AFG2B: variants seen among roughly 807,000 people sequenced by gnomAD.
The protein encoded by AFG2B is ATPase family gene 2 protein homolog B.
the AFG2B span, chr15:45,402,415 G>T: frequency 5.0e-6 from 8 of 1,592,068 alleles, no homozygotes; most frequent in Non-Finnish European, 5.1e-6. Flanking sequence ...CGTCTGCCTG[G>T]TTCATCTGTG....
the AFG2B span, among the ~76,000 whole-genome samples, chr15:45,419,836 G>A: frequency 7.9e-5 from 12 of 151,838 alleles, no homozygotes; most frequent in African/African-American, 2.9e-4. Context: ...GGCAACATGG[G>A]GAGACCCTGT....
At chr15:45,403,137 G>C in the AFG2B span, 1 of 1,470,032 alleles carries the variant, frequency 6.8e-7, no homozygotes, top group Non-Finnish European at 8.9e-7. Context: ...TGCCTCGCGG[G>C]GTGCTCCTGG....
chr15:45,419,137 G>A, the AFG2B span, among the ~76,000 whole-genome samples: 2 of 152,142 alleles, frequency 1.3e-5, no homozygotes, highest in African/African-American at 4.8e-5. Flanking sequence ...TTAGAGTGGA[G>A]AATGGCAAGA....
At chr15:45,415,198 T>A in the AFG2B span, among the ~76,000 whole-genome samples, 1 of 152,268 alleles carries the variant, frequency 6.6e-6, no homozygotes, top group East Asian at 1.9e-4. Flanking sequence ...ATATCTATTT[T>A]AAAAATTATA....
the AFG2B span, chr15:45,402,865 CT>C: frequency 6.3e-7 from 1 of 1,598,604 alleles, no homozygotes; most frequent in Non-Finnish European, 8.5e-7. Flanking sequence ...ACCGATCTCC[CT>C]GGGCCACGTG....
At chr15:45,409,590 G>T in the AFG2B span, among the ~76,000 whole-genome samples, 1 of 151,986 alleles carries the variant, frequency 6.6e-6, no homozygotes. Context: ...TTTGAACATG[G>T]TGGCTCATGC....
chr15:45,413,989 C>T, the AFG2B span, among the ~76,000 whole-genome samples: 6 of 152,172 alleles, frequency 3.9e-5, no homozygotes, highest in Non-Finnish European at 8.8e-5. Flanking sequence ...AGGTGTCATT[C>T]TAGCTGCTGG....
the AFG2B span, among the ~76,000 whole-genome samples, chr15:45,420,007 A>C: frequency 6.7e-6 from 1 of 149,702 alleles, no homozygotes; most frequent in South Asian, 2.1e-4. Context: ...CAAAAAAAAA[A>C]AAAAAAACAA....
chr15:45,421,289 A>G, the AFG2B span: 1 of 1,011,222 alleles, frequency 9.9e-7, no homozygotes, highest in South Asian at 1.9e-5. Context: ...ACACTTTTAG[A>G]ATTTGTGTTT....
chr15:45,411,316 T>C, the AFG2B span, among the ~76,000 whole-genome samples: 1 of 152,154 alleles, frequency 6.6e-6, no homozygotes, highest in African/African-American at 2.4e-5. Flanking sequence ...TCCCCATCTC[T>C]ATTTAAAAAA....
chr15:45,413,677 C>G, the AFG2B span, among the ~76,000 whole-genome samples: 1 of 152,106 alleles, frequency 6.6e-6, no homozygotes, highest in African/African-American at 2.4e-5. Flanking sequence ...CCTTCCAGTC[C>G]ATTCTCCATA....
the AFG2B span, among the ~76,000 whole-genome samples, chr15:45,419,338 A>G: frequency 6.6e-6 from 1 of 152,070 alleles, no homozygotes; most frequent in Non-Finnish European, 1.5e-5. Flanking sequence ...GTGGGGGACT[A>G]GTAGTCCCAG....
the AFG2B span, chr15:45,403,372 C>G: frequency 8.0e-4 from 1,289 of 1,610,416 alleles, 7 homozygotes; most frequent in Non-Finnish European, 3.8e-4. Context: ...GCGGGGCAGT[C>G]GAGCACCCGA....
the AFG2B span, chr15:45,402,474 GCTGCTACC>G: frequency 2.5e-6 from 4 of 1,609,708 alleles, no homozygotes; most frequent in East Asian, 9.0e-5. Context: ...CGCTCTTAAA[GCTGCTACC>G]CTTAGACGCT....
At chr15:45,411,204 GA>G in the AFG2B span, among the ~76,000 whole-genome samples, 11 of 152,096 alleles carry the variant, frequency 7.2e-5, no homozygotes, top group African/African-American at 1.9e-4. Context: ...TGTCCGGGGG[GA>G]AAAAAGTGTA....
the AFG2B span, chr15:45,403,300 G>T: frequency 6.3e-7 from 1 of 1,591,802 alleles, no homozygotes; most frequent in Non-Finnish European, 8.5e-7. Context: ...GCGCGCCCGG[G>T]AACTGGCCAG....
the AFG2B span, among the ~76,000 whole-genome samples, chr15:45,411,070 C>T: frequency 1.3e-5 from 2 of 152,032 alleles, no homozygotes; most frequent in African/African-American, 4.8e-5. Context: ...GGCATGCTGG[C>T]AGGTGCCCAT....
the AFG2B span, chr15:45,403,652 A>G: frequency 3.0e-4 from 343 of 1,126,340 alleles, 1 homozygote; most frequent in Middle Eastern, 1.8e-3. Context: ...TTTGCAATGC[A>G]GAGAACACGT....
chr15:45,420,880 T>C, the AFG2B span, among the ~76,000 whole-genome samples: 6 of 152,022 alleles, frequency 3.9e-5, no homozygotes, highest in Non-Finnish European at 1.5e-5. Flanking sequence ...TAATCCCAGC[T>C]ACTTGGGAGG....
Sources: gnomAD v4.1 joint callset for allele counts (sites outside exome capture counted in the v4.1 genomes callset) on GRCh38, gnomAD v4.1.1 for gene constraint, MANE v1.5 for transcripts, NCBI Gene and HGNC (gene_info 2026-07-23, HGNC 2026-07-21) for gene names.